PRKAR2A: variants seen among roughly 807,000 people sequenced by gnomAD.
PRKAR2A encodes the protein cAMP-dependent protein kinase type II-alpha regulatory subunit.
A neutral mutation model predicts 51.9 loss-of-function variants in PRKAR2A; 29 were observed. The observed-to-expected ratio is 0.56, with a 90% CI of 0.42 to 0.76. The LOEUF (loss-of-function observed/expected upper bound fraction) is 0.76, where lower values mean the gene tolerates loss of function less well. Among genes scored for constraint, PRKAR2A ranks in the 30% least tolerant of loss-of-function variants. The pLI, the probability that PRKAR2A is intolerant of heterozygous loss-of-function variation, is 0.00. For missense variants in PRKAR2A, 445 were observed against 512.1 expected, an observed-to-expected ratio of 0.87 and a Z score of 1.26; for synonymous variants, 178 against 186.2, an observed-to-expected ratio of 0.96 and a Z score of 0.36.
At chr3:48,786,127 T>G (rs1385096527) in intron 4 of PRKAR2A, among the ~76,000 whole-genome samples, 1 of 150,644 alleles carries the variant, frequency 6.6e-6, no homozygotes, top group Non-Finnish European at 1.5e-5. Context: ...GGTTTTTTTT[T>G]GTTTTTTTTT....
At chr3:48,814,353 G>A (rs1372902811) in intron 1 of PRKAR2A, among the ~76,000 whole-genome samples, 2 of 152,158 alleles carry the variant, frequency 1.3e-5, no homozygotes, top group Admixed American at 6.6e-5. Context: ...CGGAGGTGGA[G>A]GTTTCAGTGA....
chr3:48,778,117 T>A (rs1039884485), intron 5 of PRKAR2A, among the ~76,000 whole-genome samples: 2 of 152,134 alleles, frequency 1.3e-5, no homozygotes, highest in Non-Finnish European at 2.9e-5. Flanking sequence ...GACCATGAAT[T>A]TTTTGAGGTC....
At chr3:48,776,290 T>TA (rs2107267611) in intron 5 of PRKAR2A, among the ~76,000 whole-genome samples, 1 of 152,262 alleles carries the variant, frequency 6.6e-6, no homozygotes, top group Non-Finnish European at 1.5e-5. Flanking sequence ...GCAAATGCCT[T>TA]AAAAAGACCC....
chr3:48,769,157 C>CTTTTTTTTTTTT (rs200382765), intron 6 of PRKAR2A, among the ~76,000 whole-genome samples: 3 of 136,280 alleles, frequency 2.2e-5, no homozygotes, highest in African/African-American at 2.8e-5. Flanking sequence ...AAATATCTTT[C>CTTTTTTTTTTTT]TTTTTTTTTT....
rs2081611946 is a variant in PRKAR2A at position 48,749,497 on chromosome 3, T to C, written c.*2088A>G. On this transcript the variant is annotated 3_prime_UTR_variant, in exon 11 of 11. Transcript: ENST00000265563. ...AATGATGCCAAATTTTTTTTTTTTT[T>C]TTGAGATGGAGTCTTGCACTGTCAC... The C allele has an allele frequency of 6.6e-6, 1 of 152,048 alleles. No homozygotes were observed. Among genetic ancestry groups the C allele is most frequent in the African/African-American group, 2.4e-5 (1 of 41,396 alleles). 9.4% of individuals were successfully genotyped at this position (152,048 alleles called of 1,614,324 possible).
chr3:48,753,808 A>T (rs993942114), intron 9 of PRKAR2A, among the ~76,000 whole-genome samples: 2 of 152,220 alleles, frequency 1.3e-5, no homozygotes, highest in Non-Finnish European at 2.9e-5. Flanking sequence ...CTGTGATCAT[A>T]GCAGGTGTCA....
At chr3:48,771,588 T>C (rs764689705) in intron 6 of PRKAR2A, among the ~76,000 whole-genome samples, 4 of 152,232 alleles carry the variant, frequency 2.6e-5, no homozygotes, top group Admixed American at 6.5e-5. Flanking sequence ...ATTTTCATTA[T>C]TTCTTAAAAT....
chr3:48,768,262 C>T (rs1418368373), intron 6 of PRKAR2A, among the ~76,000 whole-genome samples: 1 of 151,682 alleles, frequency 6.6e-6, no homozygotes, highest in Admixed American at 6.6e-5. Flanking sequence ...CCACTGCACT[C>T]CAGCCTGGCC....
At position 48,756,382 on chromosome 3, in the gene PRKAR2A, G is replaced by A; in HGVS notation, c.936C>T (p.Ser312=). Residue 312 remains serine, a synonymous_variant, in exon 9 of 11, where the codon AGC becomes AGT. Transcript: ENST00000265563. The part of the protein sequence containing the change: ...ESGEVSILIR[S]RTKSNKDGGN... ...ACATATAAACTGATAAACTCACCCTGCTTCTAATCAAGATGCTCACTTCGC... is the reference window on the plus strand; with the variant it reads ...ACATATAAACTGATAAACTCACCCTACTTCTAATCAAGATGCTCACTTCGC... 6.2e-7 allele frequency: 1 copy of A among 1,612,756 alleles called. No homozygotes were observed.
At position 48,847,643 on chromosome 3, in the gene PRKAR2A, C is replaced by A; in HGVS notation, c.-47G>T. 1 of 1,401,424 alleles carries A rather than the reference C, an allele frequency of 7.1e-7. No individual in the cohort carries two copies. Among genetic ancestry groups the A allele is most frequent in the South Asian group, 1.6e-5 (1 of 63,804 alleles). The allele number at this position is 1,401,424 out of a possible 1,614,324, so 86.8% of individuals were successfully genotyped here. On this transcript the variant is annotated 5_prime_UTR_variant, in exon 1 of 11. Transcript: ENST00000265563. The surrounding 1 kb of genome is among the most constrained non-coding windows in gnomAD (Gnocchi z 4.4). ...AGACGGGTTGGGCCGCCGGCGGCCA[C>A]TGTCTCCGCGCTCACTCACGCCGGC...
intron 1 of PRKAR2A, among the ~76,000 whole-genome samples, chr3:48,837,300 T>C (rs2083302183): frequency 1.3e-5 from 2 of 152,188 alleles, no homozygotes; most frequent in South Asian, 4.1e-4. Context: ...TGACACCCTA[T>C]CTTAAAAAAT....
intron 2 of PRKAR2A, among the ~76,000 whole-genome samples, chr3:48,796,193 G>A (rs1426018945): frequency 6.6e-6 from 1 of 152,170 alleles, no homozygotes; most frequent in Admixed American, 6.6e-5. Context: ...TAACAGCTGT[G>A]TGACCAGAGG....
In PRKAR2A at chr3:48,751,692, G is replaced by A; in HGVS notation, c.1108C>T (p.Leu370Phe). 2 of 1,613,536 alleles carry A rather than the reference G, an allele frequency of 1.2e-6. No homozygotes were observed. Among genetic ancestry groups the A allele is most frequent in the South Asian group, 1.1e-5 (1 of 91,074 alleles). Residue 370 changes from leucine to phenylalanine, a missense_variant, in exon 11 of 11, where the codon CTT (leucine) becomes TTT (phenylalanine). Transcript: ENST00000265563. ...LVMDVQAFER[L>F]LGPCMDIMKR... ...ATGATGTCCATGCAGGGCCCCAGAA[G>A]CCTCTCGAATGCTTGTACATCCATA...
intron 3 of PRKAR2A, among the ~76,000 whole-genome samples, chr3:48,793,058 G>A (rs192693269): frequency 1.0e-3 from 156 of 149,798 alleles, no homozygotes; most frequent in Non-Finnish European, 1.9e-3. Flanking sequence ...TAACATCTGG[G>A]GTATATCCTT....
At chr3:48,763,390 C>T (rs1354297827) in intron 8 of PRKAR2A, among the ~76,000 whole-genome samples, 1 of 152,134 alleles carries the variant, frequency 6.6e-6, no homozygotes, top group Non-Finnish European at 1.5e-5. Context: ...ACTCTATCTT[C>T]AAGAGCACAG....
chr3:48,769,958 T>C (rs1329173445), intron 6 of PRKAR2A, among the ~76,000 whole-genome samples: 5 of 152,164 alleles, frequency 3.3e-5, no homozygotes, highest in East Asian at 1.9e-4. Flanking sequence ...TTATTTTTCA[T>C]AGAGACAGGG....
intron 2 of PRKAR2A, among the ~76,000 whole-genome samples, chr3:48,805,485 A>C (rs2082665059): frequency 6.6e-6 from 1 of 152,208 alleles, no homozygotes; most frequent in South Asian, 2.1e-4. Context: ...AGAATCTTAG[A>C]GATAGCAAGG....
intron 1 of PRKAR2A, among the ~76,000 whole-genome samples, chr3:48,836,407 C>G (rs1285029480): frequency 1.4e-5 from 1 of 71,702 alleles, no homozygotes; most frequent in African/African-American, 6.8e-5. Context: ...GGCGACAGTG[C>G]GAGACTCCGT....
intron 5 of PRKAR2A, among the ~76,000 whole-genome samples, chr3:48,778,701 G>A (rs2082142698): frequency 6.6e-6 from 1 of 151,490 alleles, no homozygotes; most frequent in Non-Finnish European, 1.5e-5. Flanking sequence ...TTTATTTTTA[G>A]TAGAGATGGG....
Sources: allele counts gnomAD v4.1 joint callset (sites outside exome capture counted in the v4.1 genomes callset), GRCh38; gene constraint gnomAD v4.1.1; non-coding constraint Gnocchi (gnomAD v3.1); transcripts MANE v1.5; gene names NCBI Gene and HGNC (gene_info 2026-07-23, HGNC 2026-07-21).